The following AOAH variants were observed in gnomAD, a reference collection of about 807,000 sequenced individuals.
AOAH encodes acyloxyacyl hydrolase (neutrophil).
In AOAH, 64 loss-of-function variants were observed where a neutral mutation model predicts 92.2. The ratio of observed to expected loss-of-function variants is 0.69; its 90% CI spans 0.57 to 0.86. AOAH has a LOEUF of 0.86. Ranked by LOEUF, AOAH falls within the 40% of genes least tolerant of loss-of-function variation. AOAH has a pLI of 0.00. For missense variants in AOAH, 656 were observed against 694.6 expected, an observed-to-expected ratio of 0.94 and a Z score of 0.62; for synonymous variants, 263 against 254.5, an observed-to-expected ratio of 1.03 and a Z score of -0.32.
At chr7:36,673,432 TA>T (rs1454392893) in intron 3 of AOAH, among the ~76,000 whole-genome samples, 2 of 151,982 alleles carry the variant, frequency 1.3e-5, no homozygotes, top group Non-Finnish European at 2.9e-5. Flanking sequence ...CCCAGCCTCT[TA>T]GGCTAAGGCA....
At chr7:36,557,962 T>A (rs1457780527) in intron 13 of AOAH, among the ~76,000 whole-genome samples, 3 of 152,246 alleles carry the variant, frequency 2.0e-5, no homozygotes, top group Admixed American at 2.0e-4. Flanking sequence ...AGTTTGATCG[T>A]CTGAAGCCTT....
intron 16 of AOAH, among the ~76,000 whole-genome samples, chr7:36,536,638 C>G (rs1785074826): frequency 6.6e-6 from 1 of 152,070 alleles, no homozygotes; most frequent in Non-Finnish European, 1.5e-5. Context: ...ATCTATCTCC[C>G]AGGGTTGTTT....
intron 4 of AOAH, among the ~76,000 whole-genome samples, chr7:36,641,745 G>T (rs1001392531): frequency 6.6e-6 from 1 of 152,078 alleles, no homozygotes; most frequent in Non-Finnish European, 1.5e-5. Flanking sequence ...AGGTGAGGAC[G>T]GTAACAGTTG....
intron 11 of AOAH, among the ~76,000 whole-genome samples, chr7:36,597,073 C>T (rs1191889230): frequency 1.3e-5 from 2 of 152,082 alleles, no homozygotes; most frequent in South Asian, 2.1e-4. Context: ...TATTCTTATC[C>T]TAAGTGTGAT....
intron 14 of AOAH, among the ~76,000 whole-genome samples, 169 bp from the exon 15 acceptor site, chr7:36,548,855 T>C (rs1322890461): frequency 6.6e-6 from 1 of 152,186 alleles, no homozygotes; most frequent in Non-Finnish European, 1.5e-5. Context: ...CCATCTCCCA[T>C]TTATTCTCTA....
chr7:36,640,897 G>C (rs1358414095), intron 4 of AOAH, among the ~76,000 whole-genome samples: 5 of 152,190 alleles, frequency 3.3e-5, no homozygotes, highest in African/African-American at 9.7e-5. Context: ...GGAAGCTCAT[G>C]GCCTTGAGTA....
chr7:36,721,881 C>T (rs891173327), intron 1 of AOAH, among the ~76,000 whole-genome samples: 5 of 152,132 alleles, frequency 3.3e-5, no homozygotes, highest in Non-Finnish European at 7.3e-5. Context: ...TGTTTCCAGA[C>T]CCAAAACTTG....
intron 1 of AOAH, among the ~76,000 whole-genome samples, chr7:36,703,309 T>G (rs1454517071): frequency 6.6e-6 from 1 of 152,184 alleles, no homozygotes; most frequent in Non-Finnish European, 1.5e-5. Flanking sequence ...GGTAAATCCT[T>G]TCCAGAAGGT....
At chr7:36,620,724 C>A (rs1413369054) in intron 9 of AOAH, 57 bp downstream of exon 9, 2 of 1,554,554 alleles carry the variant, frequency 1.3e-6, no homozygotes, top group Admixed American at 3.4e-5. Context: ...ATGTGATGAG[C>A]TTTAGGGGAG....
chr7:36,543,943 C>CTTTTTTTTT (rs1407764591), intron 15 of AOAH, among the ~76,000 whole-genome samples: 44 of 82,782 alleles, frequency 5.3e-4, no homozygotes, highest in Non-Finnish European at 6.8e-4. Flanking sequence ...TTCTTTCTTT[C>CTTTTTTTTT]TTTCTTTTTT....
At chr7:36,673,432 T>C (rs550261149) in intron 3 of AOAH, among the ~76,000 whole-genome samples, 2 of 152,100 alleles carry the variant, frequency 1.3e-5, no homozygotes, top group Admixed American at 6.5e-5. Context: ...CCCAGCCTCT[T>C]AGGCTAAGGC....
At position 36,686,794 on chromosome 7, in the gene AOAH, C is replaced by G; in HGVS notation, c.128G>C (p.Gly43Ala). ...TATTACAGACACCACCAGCACACACCCTGCCAGGGAGGAGAAGAACATGTA... is the reference window on the plus strand; with the variant it reads ...TATTACAGACACCACCAGCACACACGCTGCCAGGGAGGAGAAGAACATGTA... ...PSLSNGHTCV[G>A]CVLVVSVIEQ... Residue 43 changes from glycine (G) to alanine (A), a missense_variant and splice_region_variant, in exon 2 of 21, where the codon GGG (glycine) becomes GCG (alanine). Coordinates refer to ENST00000617537, the MANE Select transcript of AOAH (RefSeq NM_001637.4). The G allele has an allele frequency of 6.5e-7, 1 of 1,542,676 alleles. No homozygotes were observed. Among genetic ancestry groups the G allele is most frequent in the Non-Finnish European group, 8.7e-7 (1 of 1,143,708 alleles).
rs372651890 is a variant in AOAH at position 36,573,346 on chromosome 7, C to T, written c.1021+3228G>A. ...TCTGTTGATTGCAAAAAAGATTTGG[C>T]AGCACTCTTGCCATTCCTAACCCCT... is the stretch of plus-strand genomic sequence containing the variant. On this transcript the variant is annotated intron_variant, in intron 13 of 20. Coordinates refer to ENST00000617537, the MANE Select transcript of AOAH (RefSeq NM_001637.4). Among the ~76,000 whole-genome samples, 18 of 152,314 alleles carry T rather than the reference C, an allele frequency of 1.2e-4. No individual in the cohort carries two copies. The East Asian group carries it at 1.9e-3, about 16-fold the overall frequency.
At chr7:36,566,487 T>C (rs888579539) in intron 13 of AOAH, among the ~76,000 whole-genome samples, 2 of 151,676 alleles carry the variant, frequency 1.3e-5, no homozygotes, top group African/African-American at 4.8e-5. Context: ...CCAGAACAGG[T>C]GTTTGCTGTC....
intron 5 of AOAH, among the ~76,000 whole-genome samples, chr7:36,633,000 T>A (rs1793240870): frequency 6.6e-6 from 1 of 152,152 alleles, no homozygotes. Flanking sequence ...TGTCCTCAGC[T>A]CTCCGTGGAG....
At chr7:36,612,991 T>C (rs1308558731) in intron 11 of AOAH, among the ~76,000 whole-genome samples, 1 of 152,202 alleles carries the variant, frequency 6.6e-6, no homozygotes, top group Admixed American at 6.5e-5. Context: ...TTTTTGACAT[T>C]GTACACATTT....
chr7:36,667,642 T>C (rs77646513), intron 3 of AOAH, among the ~76,000 whole-genome samples: 2,791 of 152,318 alleles, frequency 0.018, 72 homozygotes, highest in African/African-American at 0.064. Context: ...CCGTTTCTGA[T>C]AGAGGGATGT....
chr7:36,654,281 C>G (rs971203668), intron 4 of AOAH, among the ~76,000 whole-genome samples: 2 of 152,208 alleles, frequency 1.3e-5, no homozygotes, highest in African/African-American at 4.8e-5. Flanking sequence ...CCTTTCCTTC[C>G]TGTCCCTCTT....
chr7:36,636,103 G>A (rs751700153), intron 5 of AOAH, among the ~76,000 whole-genome samples: 35 of 152,132 alleles, frequency 2.3e-4, no homozygotes, highest in Non-Finnish European at 4.1e-4. Flanking sequence ...CTGTACCCTG[G>A]CCAGGTCTGA....
Sources: allele counts gnomAD v4.1 joint callset (sites outside exome capture counted in the v4.1 genomes callset), GRCh38; gene constraint gnomAD v4.1.1; transcripts MANE v1.5; gene names NCBI Gene and HGNC (gene_info 2026-07-23, HGNC 2026-07-21).